Variants in SNX13 observed in about 807,000 individuals in gnomAD.
The protein encoded by SNX13 is sorting nexin-13.
SNX13 carries 45 observed loss-of-function variants against 133.6 expected under a neutral mutation model. The ratio of observed to expected loss-of-function variants is 0.34; its 90% CI spans 0.27 to 0.43. The LOEUF (loss-of-function observed/expected upper bound fraction) is 0.43, where lower values mean the gene tolerates loss of function less well. Ranked by LOEUF, SNX13 falls within the 20% of genes least tolerant of loss-of-function variation. The pLI, the probability that SNX13 is intolerant of heterozygous loss-of-function variation, is 1.00. For missense variants in SNX13, 1,032 were observed against 1,145.1 expected, an observed-to-expected ratio of 0.90 and a Z score of 1.43; for synonymous variants, 414 against 373.9, an observed-to-expected ratio of 1.11 and a Z score of -1.24.
intron 15 of SNX13, among the ~76,000 whole-genome samples, chr7:17,832,730 C>G (rs1044988512): frequency 1.3e-5 from 2 of 151,232 alleles, no homozygotes; most frequent in Non-Finnish European, 3.0e-5. Flanking sequence ...ATTATGCAAT[C>G]AAAATCAGTT....
At chr7:17,850,775 GATAAA>G in intron 10 of SNX13, 46 bp downstream of exon 10, 1 of 1,351,118 alleles carries the variant, frequency 7.4e-7, no homozygotes, top group African/African-American at 1.7e-5. Flanking sequence ...AAGTTTTGAA[GATAAA>G]ATAATACTTC....
intron 5 of SNX13, among the ~76,000 whole-genome samples, chr7:17,883,756 C>G (rs1795645504): frequency 6.6e-6 from 1 of 152,038 alleles, no homozygotes; most frequent in Non-Finnish European, 1.5e-5. Context: ...GTTCCCCTCC[C>G]TGTGTCCATG....
intron 1 of SNX13, among the ~76,000 whole-genome samples, chr7:17,926,306 C>T (rs751415943): frequency 6.6e-6 from 1 of 151,710 alleles, no homozygotes; most frequent in African/African-American, 2.4e-5. Flanking sequence ...TATTTTTCCC[C>T]TACAAAACAC....
intron 5 of SNX13, 141 bp from the exon 6 acceptor site, chr7:17,875,931 T>C (rs766934709): frequency 3.2e-6 from 2 of 616,858 alleles, no homozygotes; most frequent in Middle Eastern, 4.7e-4. Context: ...TATTACCTGT[T>C]AGTACTGTTT....
At chr7:17,850,482 G>T in intron 10 of SNX13, 47 bp from the exon 11 acceptor site, 1 of 1,179,020 alleles carries the variant, frequency 8.5e-7, no homozygotes, top group Non-Finnish European at 1.2e-6. Flanking sequence ...TGTTATTTAT[G>T]AAATACTTTA....
intron 13 of SNX13, among the ~76,000 whole-genome samples, chr7:17,836,452 G>C (rs187731205): frequency 1.3e-3 from 203 of 152,222 alleles, no homozygotes; most frequent in African/African-American, 4.5e-3. Context: ...GGGATGCAAA[G>C]GGTGCAGTGA....
chr7:17,832,116 G>T, intron 15 of SNX13: 8 of 983,732 alleles, frequency 8.1e-6, no homozygotes, highest in Non-Finnish European at 9.7e-6. Context: ...AAATGTGAGG[G>T]GTTACTCAAT....
intron 11 of SNX13, among the ~76,000 whole-genome samples, chr7:17,846,806 A>T (rs1790590869): frequency 6.6e-6 from 1 of 152,190 alleles, no homozygotes; most frequent in African/African-American, 2.4e-5. Flanking sequence ...TCCCTTCTTC[A>T]AATTGTATCA....
chr7:17,939,462 G>A (rs945277763), intron 1 of SNX13, among the ~76,000 whole-genome samples: 4 of 152,228 alleles, frequency 2.6e-5, no homozygotes, highest in Admixed American at 2.0e-4. Flanking sequence ...CAAGTACCTA[G>A]TTGCACCGAT....
intron 15 of SNX13, among the ~76,000 whole-genome samples, chr7:17,833,476 T>A (rs1205910143): frequency 6.6e-6 from 1 of 151,586 alleles, no homozygotes; most frequent in Non-Finnish European, 1.5e-5. Context: ...GGGAGTAAAA[T>A]CGAAATATTC....
At chr7:17,911,788 T>C (rs2128020708) in intron 1 of SNX13, among the ~76,000 whole-genome samples, 1 of 152,278 alleles carries the variant, frequency 6.6e-6, no homozygotes, top group South Asian at 2.1e-4. Context: ...GGTCAAACTA[T>C]ACCCAAGGAT....
intron 9 of SNX13, among the ~76,000 whole-genome samples, chr7:17,865,143 A>G (rs1733902119): frequency 6.6e-6 from 1 of 152,238 alleles, no homozygotes; most frequent in African/African-American, 2.4e-5. Flanking sequence ...TTAATGAGCA[A>G]TAAGAAATCA....
chr7:17,856,860 A>G (rs998695344), intron 9 of SNX13, among the ~76,000 whole-genome samples: 8 of 151,620 alleles, frequency 5.3e-5, no homozygotes, highest in Middle Eastern at 3.2e-3. Context: ...TCAAGGAACT[A>G]GAAAAGCAAT....
intron 20 of SNX13, among the ~76,000 whole-genome samples, chr7:17,805,250 T>TGTGTGTGTGTGTGTGTGTGCGTGCGC: frequency 1.0e-5 from 1 of 95,560 alleles, no homozygotes; most frequent in African/African-American, 3.1e-5. Context: ...TGTGTGTGTG[T>TGTGTGTGTGTGTGTGTGTGCGTGCGC]GCGTGCGCGC....
At position 17,896,087 on chromosome 7, in the gene SNX13, T is replaced by C. The variant is rs371238046; in HGVS notation, c.125+1247A>G. Among the ~76,000 whole-genome samples, 25 of 152,342 alleles carry C rather than the reference T, an allele frequency of 1.6e-4. 2 individuals are homozygous for C. The highest frequency in any genetic ancestry group is 6.0e-4 in the African/African-American group (25 of 41,586). On this transcript the variant is annotated intron_variant, in intron 2 of 25. Coordinates refer to ENST00000428135, the MANE Select transcript of SNX13 (RefSeq NM_015132.5). ...CAACCATGTCACTATTCAGCCATGC[T>C]GTCGCCTTAACTGTGACTGAGAAGT...
Position 17,845,153 on chromosome 7 carries a change from T to TACAC in SNX13, c.1165+438_1165+441dup, listed in dbSNP as rs71010276. ...GGAGAAGCAAGTGTGTGCGTGTGTG[T>TACAC]ACACACACACACACACACACACACG... On this transcript the variant is annotated intron_variant, in intron 12 of 25. Coordinates refer to ENST00000428135, the MANE Select transcript of SNX13 (RefSeq NM_015132.5). Among the ~76,000 whole-genome samples the TACAC allele has an allele frequency of 4.9e-3, 736 of 148,878 alleles. 4 individuals carry two copies. Among genetic ancestry groups the TACAC allele is most frequent in the East Asian group, 0.02 (102 of 5,020 alleles).
chr7:17,936,798 C>T (rs1370291079), intron 1 of SNX13, among the ~76,000 whole-genome samples: 1 of 145,268 alleles, frequency 6.9e-6, no homozygotes, highest in Non-Finnish European at 1.5e-5. Flanking sequence ...GCTCTAATTT[C>T]GATATATGAA....
Position 17,793,020 on chromosome 7 carries a change from C to A in SNX13, c.*1025G>T, listed in dbSNP as rs371403993. On this transcript the variant is annotated 3_prime_UTR_variant, in exon 26 of 26. Transcript: ENST00000428135. ...CATCATTTATTTTCATATATGTACA[C>A]TGTCATAGAATTAGGAATCTGTATG... 8 of 152,166 alleles carry A rather than the reference C, an allele frequency of 5.3e-5. No homozygotes were observed. Among genetic ancestry groups the A allele is most frequent in the African/African-American group, 1.9e-4 (8 of 41,346 alleles). The allele number at this position is 152,166 out of a possible 1,614,324, so 9.4% of individuals were successfully genotyped here.
chr7:17,816,309 C>T lies in SNX13; in HGVS notation c.1846-20G>A, dbSNP rs1562690185. ...TTCAAACTGTAAGACAAAATACATT[C>T]AATAGCACTTTTTATAAAGACAAAA... On this transcript the variant is annotated intron_variant, in intron 18 of 25. Transcript: ENST00000428135. The T allele has an allele frequency of 6.6e-7, 1 of 1,522,678 alleles. No homozygotes were observed. Among genetic ancestry groups the T allele is most frequent in the Admixed American group, 2.2e-5 (1 of 44,496 alleles). The allele number at this position is 1,522,678 out of a possible 1,614,324, so 94.3% of individuals were successfully genotyped here.
Sources: allele counts gnomAD v4.1 joint callset (sites outside exome capture counted in the v4.1 genomes callset), GRCh38; gene constraint gnomAD v4.1.1; transcripts MANE v1.5; gene names NCBI Gene and HGNC (gene_info 2026-07-23, HGNC 2026-07-21).